COL21A1: variants seen among roughly 807,000 people sequenced by gnomAD.
The protein encoded by COL21A1 is collagen alpha-1(XXI) chain.
Under a neutral mutation model 137.9 loss-of-function variants are expected in COL21A1, and 149 were observed. That is an observed-to-expected ratio of 1.08 (90% CI 0.95 to 1.24). The LOEUF (loss-of-function observed/expected upper bound fraction) is 1.24, where lower values mean the gene tolerates loss of function less well. Ranked by LOEUF, COL21A1 falls within the 50% of genes most tolerant of loss-of-function variation. The pLI, the probability that COL21A1 is intolerant of heterozygous loss-of-function variation, is 0.00. For synonymous variants in COL21A1, 456 were observed against 391.5 expected, an observed-to-expected ratio of 1.16 and a Z score of -1.95; for missense variants, 1,167 against 1,158.4, an observed-to-expected ratio of 1.01 and a Z score of -0.11.
rs148877782 is a variant in COL21A1, at chr6:56,382,542, G to A, written c.-39+11429C>T. Among the ~76,000 whole-genome samples, 44 of 152,222 alleles carry A rather than the reference G, an allele frequency of 2.9e-4. 1 individual carries two copies. The highest frequency in any genetic ancestry group is 3.4e-3 in the Middle Eastern group (1 of 294). On this transcript the variant is annotated intron_variant, in intron 1 of 28. Coordinates refer to the COL21A1 transcript ENST00000370819. The stretch of plus-strand genomic sequence containing the variant: ...TCAAAGGGACTGTGTTTGGAGATAG[G>A]GCTTTTAGGAGGTAATTGTGGCTAA...
At chr6:56,256,708 A>T (rs1180134953) in intron 1 of COL21A1, among the ~76,000 whole-genome samples, 2 of 152,024 alleles carry the variant, frequency 1.3e-5, no homozygotes, top group African/African-American at 4.8e-5. Context: ...TAAAAATTTT[A>T]AAAACCCCTT....
chr6:56,362,112 G>A (rs1400812426), intron 1 of COL21A1, among the ~76,000 whole-genome samples: 1 of 152,060 alleles, frequency 6.6e-6, no homozygotes, highest in Non-Finnish European at 1.5e-5. Context: ...TACCACAGGG[G>A]CACCCTGAAA....
chr6:56,360,209 T>C (rs1033921439), intron 1 of COL21A1, among the ~76,000 whole-genome samples: 8 of 151,948 alleles, frequency 5.3e-5, no homozygotes, highest in Non-Finnish European at 1.0e-4. Flanking sequence ...CCGAATAGGT[T>C]GAGCACATAA....
chr6:56,083,206 T>C (rs1467565809), intron 17 of COL21A1, among the ~76,000 whole-genome samples: 1 of 151,964 alleles, frequency 6.6e-6, no homozygotes, highest in Non-Finnish European at 1.5e-5. Context: ...CTGCTTCCTG[T>C]GCATTCAGGT....
intron 12 of COL21A1, among the ~76,000 whole-genome samples, chr6:56,130,185 A>T (rs1436826517): frequency 0.049 from 712 of 14,584 alleles, 15 homozygotes; most frequent in African/African-American, 0.12. Context: ...ATATATATAT[A>T]TATATATATA....
chr6:56,164,584 AT>A, intron 8 of COL21A1, 78 bp from the exon 9 acceptor site: 1 of 1,120,424 alleles, frequency 8.9e-7, no homozygotes, highest in African/African-American at 1.6e-5. Flanking sequence ...TTATGCATTT[AT>A]ATATTTGTGT....
chr6:56,111,664 G>T (rs1356563847), intron 16 of COL21A1, among the ~76,000 whole-genome samples: 1 of 149,702 alleles, frequency 6.7e-6, no homozygotes, highest in Non-Finnish European at 1.5e-5. Context: ...AGTAGTTTGA[G>T]ACCAGCCTGG....
intron 1 of COL21A1, among the ~76,000 whole-genome samples, chr6:56,335,966 C>T (rs1360370497): frequency 6.6e-6 from 1 of 152,138 alleles, no homozygotes; most frequent in Non-Finnish European, 1.5e-5. Context: ...TCATCTATTC[C>T]ATGACGTTGA....
intron 1 of COL21A1, among the ~76,000 whole-genome samples, chr6:56,317,700 C>G (rs72870252): frequency 0.039 from 5,961 of 152,144 alleles, 150 homozygotes; most frequent in South Asian, 0.063. Context: ...TTCTGACTAC[C>G]ACCTCGTATA....
intron 1 of COL21A1, among the ~76,000 whole-genome samples, chr6:56,331,125 C>T (rs1765212122): frequency 6.6e-6 from 1 of 151,918 alleles, no homozygotes; most frequent in East Asian, 1.9e-4. Flanking sequence ...CTGTCCTTTG[C>T]CCACTTTTTA....
intron 9 of COL21A1, among the ~76,000 whole-genome samples, chr6:56,157,374 G>A (rs190420063): frequency 2.1e-5 from 3 of 144,422 alleles, no homozygotes; most frequent in African/African-American, 5.2e-5. Flanking sequence ...GCAGTGATGC[G>A]ATCTCGGCTC....
chr6:56,377,199 C>T (rs1422898053), intron 1 of COL21A1, among the ~76,000 whole-genome samples: 1 of 152,050 alleles, frequency 6.6e-6, no homozygotes. Context: ...CCATGCTGGC[C>T]AGGCTGGTCT....
At chr6:56,349,891 G>A (rs1487535681) in intron 1 of COL21A1, among the ~76,000 whole-genome samples, 2 of 152,080 alleles carry the variant, frequency 1.3e-5, no homozygotes, top group African/African-American at 2.4e-5. Flanking sequence ...AGCCTGATGG[G>A]GGCCTGGGAC....
At chr6:56,273,804 C>G (rs7757732) in intron 1 of COL21A1, among the ~76,000 whole-genome samples, 6 of 151,932 alleles carry the variant, frequency 3.9e-5, no homozygotes, top group Non-Finnish European at 8.8e-5. Context: ...AGAACTGGTA[C>G]CAATCATACT....
intron 1 of COL21A1, among the ~76,000 whole-genome samples, chr6:56,364,853 C>G (rs1413354256): frequency 1.1e-4 from 17 of 151,584 alleles, no homozygotes; most frequent in Admixed American, 1.1e-3. Context: ...TATTATTGGG[C>G]ACCATTTAAG....
intron 1 of COL21A1, among the ~76,000 whole-genome samples, chr6:56,212,381 C>T (rs1016788163): frequency 6.6e-6 from 1 of 151,994 alleles, no homozygotes; most frequent in Non-Finnish European, 1.5e-5. Context: ...TGTGAATATA[C>T]ACTACTTAAT....
At chr6:56,199,492 C>T (rs1582622936) in intron 1 of COL21A1, among the ~76,000 whole-genome samples, 1 of 151,964 alleles carries the variant, frequency 6.6e-6, no homozygotes, top group African/African-American at 2.4e-5. Flanking sequence ...ACTTAAAGAA[C>T]ATCCTTCTTA....
chr6:56,322,884 CAAAAAAA>C (rs386407164), intron 1 of COL21A1, among the ~76,000 whole-genome samples: 1 of 129,802 alleles, frequency 7.7e-6, no homozygotes, highest in Non-Finnish European at 1.6e-5. Flanking sequence ...CCTCTGCTAT[CAAAAAAA>C]AAAAAAAAAA....
At chr6:56,101,630 G>A (rs994322169) in intron 16 of COL21A1, 105 bp from the exon 17 acceptor site, 6 of 783,292 alleles carry the variant, frequency 7.7e-6, no homozygotes, top group East Asian at 2.8e-5. Flanking sequence ...AATACAAACA[G>A]AAAAATTAAA....
Sources: allele counts gnomAD v4.1 joint callset (sites outside exome capture counted in the v4.1 genomes callset), GRCh38; gene constraint gnomAD v4.1.1; transcripts MANE v1.5; gene names NCBI Gene and HGNC (gene_info 2026-07-23, HGNC 2026-07-21).